Variants in ADGRL2 observed in about 807,000 individuals in gnomAD.
ADGRL2 encodes adhesion G protein-coupled receptor L2, also known as calcium-independent alpha-latrotoxin receptor 2.
In ADGRL2, 44 loss-of-function variants were observed where a neutral mutation model predicts 157.4. That is an observed-to-expected ratio of 0.28 (90% CI 0.22 to 0.36). The LOEUF is 0.36. Among genes scored for constraint, ADGRL2 ranks in the 10% least tolerant of loss-of-function variants. ADGRL2 has a pLI of 1.00. For missense variants in ADGRL2, 1,510 were observed against 1,768.9 expected (o/e 0.85, Z 2.63); for synonymous variants, 585 against 624.7 (o/e 0.94, Z 0.95).
chr1:81,465,372 A>AT (rs149464490), intron 2 of ADGRL2, among the ~76,000 whole-genome samples: 1,792 of 152,216 alleles, frequency 0.012, 37 homozygotes, highest in African/African-American at 0.04. Flanking sequence ...GTGGCACATG[A>AT]TTTTTTCACT....
rs142979656 is a variant in ADGRL2, at chr1:81,668,584, G to C, written c.-143+87604G>C. Among the ~76,000 whole-genome samples, 1,253 of 152,122 alleles carry C rather than the reference G, an allele frequency of 8.2e-3. 7 individuals carry two copies. The highest frequency in any genetic ancestry group is 0.021 in the Middle Eastern group (6 of 292). On this transcript the variant is annotated intron_variant, in intron 3 of 24. Coordinates refer to the ADGRL2 transcript ENST00000370721. Reference sequence around the variant, plus strand: ...TTTGTTTTGTTTTTGCTTTTTTTGAGACGGAGTCTCACTCTGTCACCCAGG... The same window carrying C: ...TTTGTTTTGTTTTTGCTTTTTTTGACACGGAGTCTCACTCTGTCACCCAGG...
intron 21 of ADGRL2, 187 bp downstream of exon 21, chr1:81,985,542 T>C (rs552827431): frequency 4.0e-5 from 15 of 376,042 alleles, no homozygotes; most frequent in African/African-American, 2.7e-4. Flanking sequence ...AGATTTATCC[T>C]TTCTGACCAA....
At chr1:81,986,039 T>C (rs1394240158) in intron 21 of ADGRL2, among the ~76,000 whole-genome samples, 1 of 152,050 alleles carries the variant, frequency 6.6e-6, no homozygotes, top group Non-Finnish European at 1.5e-5. Context: ...ATTGTTCTAG[T>C]GAGATTCTCA....
intron 1 of ADGRL2, among the ~76,000 whole-genome samples, chr1:81,829,551 T>A (rs553347774): frequency 4.6e-5 from 7 of 152,202 alleles, no homozygotes; most frequent in Non-Finnish European, 1.0e-4. Context: ...GAGTGTGAAA[T>A]ATGTGAGCTA....
At chr1:81,478,963 A>G (rs1230896610) in intron 2 of ADGRL2, among the ~76,000 whole-genome samples, 1 of 152,086 alleles carries the variant, frequency 6.6e-6, no homozygotes, top group African/African-American at 2.4e-5. Context: ...GTGAGCTACA[A>G]GTGAAAGCTT....
chr1:81,954,224 TC>T (rs1034498368), intron 10 of ADGRL2, among the ~76,000 whole-genome samples: 6 of 151,880 alleles, frequency 4.0e-5, no homozygotes, highest in Admixed American at 6.6e-5. Flanking sequence ...TTTTTTTTTT[TC>T]CTTTGGCAGA....
At chr1:81,427,726 T>G in intron 1 of ADGRL2, 1 of 393,386 alleles carries the variant, frequency 2.5e-6, no homozygotes, top group Non-Finnish European at 4.7e-6. Flanking sequence ...TTTAAAAATC[T>G]GCCAGAGGGA....
At chr1:81,817,088 C>T (rs1172066382) in intron 1 of ADGRL2, among the ~76,000 whole-genome samples, 4 of 151,868 alleles carry the variant, frequency 2.6e-5, no homozygotes, top group Admixed American at 2.0e-4. Flanking sequence ...ATTTTCACCC[C>T]TCACACTTCT....
At chr1:81,517,513 G>T (rs2079208507) in intron 2 of ADGRL2, among the ~76,000 whole-genome samples, 1 of 148,042 alleles carries the variant, frequency 6.8e-6, no homozygotes, top group South Asian at 2.1e-4. Context: ...ACGATCCTTC[G>T]GATTAATGTA....
intron 1 of ADGRL2, among the ~76,000 whole-genome samples, chr1:81,372,147 T>C (rs757321044): frequency 2.7e-4 from 41 of 152,232 alleles, no homozygotes; most frequent in Non-Finnish European, 5.3e-4. Flanking sequence ...GTCTGCAATG[T>C]CGGTAGAACC....
intron 3 of ADGRL2, among the ~76,000 whole-genome samples, chr1:81,658,588 C>T (rs901905529): frequency 2.0e-5 from 3 of 152,154 alleles, no homozygotes; most frequent in African/African-American, 7.2e-5. Context: ...ACTTCTGAGT[C>T]TCCAATATCT....
At chr1:81,727,974 A>G (rs76549918) in intron 1 of ADGRL2, among the ~76,000 whole-genome samples, 10,632 of 152,160 alleles carry the variant, frequency 0.07, 476 homozygotes, top group Non-Finnish European at 0.097. Context: ...ACAATGTTTA[A>G]CACCTAGAGT....
At position 81,584,676 on chromosome 1, in the gene ADGRL2, GA is replaced by G. The variant is rs572397877; in HGVS notation, c.-143+3699del. On this transcript the variant is annotated intron_variant, in intron 3 of 24. Coordinates refer to the ADGRL2 transcript ENST00000370721. Reference sequence around the variant, plus strand: ...TCCTATTTAACTAAACAAAAGTGTTGAAATGGCCTGTCATATAAACTTCAAC... The same window carrying G: ...TCCTATTTAACTAAACAAAAGTGTTGAATGGCCTGTCATATAAACTTCAAC... 2.2e-3 allele frequency among the ~76,000 whole-genome samples: 333 copies of G among 152,190 alleles called. 1 individual carries two copies. Among genetic ancestry groups the G allele is most frequent in the African/African-American group, 7.8e-3 (325 of 41,544 alleles).
chr1:81,668,451 G>T (rs571835935), intron 3 of ADGRL2, among the ~76,000 whole-genome samples: 25 of 151,446 alleles, frequency 1.7e-4, no homozygotes, highest in South Asian at 1.3e-3. Context: ...GGTTATTATA[G>T]CTTGCCCCCT....
intron 1 of ADGRL2, among the ~76,000 whole-genome samples, chr1:81,814,322 A>G (rs926486353): frequency 1.3e-5 from 2 of 151,656 alleles, no homozygotes. Context: ...TTTTAAAATA[A>G]TAAGCTATTA....
chr1:81,622,182 C>T (rs1398770228), intron 3 of ADGRL2, among the ~76,000 whole-genome samples: 1 of 152,142 alleles, frequency 6.6e-6, no homozygotes. Context: ...GGAGATGACT[C>T]ATCCAAATCA....
intron 1 of ADGRL2, among the ~76,000 whole-genome samples, chr1:81,337,234 G>C (rs1166126346): frequency 6.6e-6 from 1 of 152,124 alleles, no homozygotes; most frequent in African/African-American, 2.4e-5. Flanking sequence ...AAGAGCTTGG[G>C]ATACAGGGGG....
chr1:81,387,747 G>T (rs2076463345), intron 1 of ADGRL2, among the ~76,000 whole-genome samples: 1 of 152,052 alleles, frequency 6.6e-6, no homozygotes, highest in Non-Finnish European at 1.5e-5. Context: ...TATTAATTCT[G>T]CCTGGGAATA....
At chr1:81,979,536 C>G (rs764232768) in intron 17 of ADGRL2, among the ~76,000 whole-genome samples, 1 of 151,864 alleles carries the variant, frequency 6.6e-6, no homozygotes, top group South Asian at 2.1e-4. Context: ...TGTAAATGCT[C>G]CTTCTAAGGA....
Sources: gnomAD v4.1 joint callset for allele counts (sites outside exome capture counted in the v4.1 genomes callset) on GRCh38, gnomAD v4.1.1 for gene constraint, MANE v1.5 for transcripts, NCBI Gene and HGNC (gene_info 2026-07-23, HGNC 2026-07-21) for gene names.